The following IL1RAPL2 variants were observed in gnomAD, a reference collection of about 807,000 sequenced individuals.
IL1RAPL2 encodes X-linked interleukin-1 receptor accessory protein-like 2.
IL1RAPL2 carries 3 observed loss-of-function variants against 44.1 expected under a neutral mutation model. The ratio of observed to expected loss-of-function variants is 0.07; its 90% CI spans 0.03 to 0.18. The LOEUF (loss-of-function observed/expected upper bound fraction) is 0.18. IL1RAPL2 is among the 10% of genes least tolerant of loss of function. The probability of loss-of-function intolerance (pLI) is 1.00; values close to 1 mark genes in which losing one functional copy is unlikely to be tolerated. For missense variants in IL1RAPL2, 391 were observed against 496.4 expected (o/e 0.79, Z 2.02); for synonymous variants, 181 against 178.8 (o/e 1.01, Z -0.10).
In IL1RAPL2 at chrX:105,474,812, A is replaced by T. The variant is rs868020654; in HGVS notation, c.698-9501A>T. The stretch of plus-strand genomic sequence containing the variant: ...TTCTTTCCTTTTTATTTATTTATTT[A>T]TTTTTTTTGGTGATGCTTATATGGA... On this transcript the variant is annotated intron_variant, in intron 5 of 10. Coordinates refer to ENST00000372582, the MANE Select transcript of IL1RAPL2 (RefSeq NM_017416.2). Among the ~76,000 whole-genome samples the T allele has an allele frequency of 1.8e-4, 20 of 109,487 alleles. 1 individual carries two copies. Among genetic ancestry groups the T allele is most frequent in the Admixed American group, 3.0e-4 (3 of 10,136 alleles).
chrX:105,211,891 G>A (rs782579684), intron 3 of IL1RAPL2, among the ~76,000 whole-genome samples: 4 of 111,770 alleles, frequency 3.6e-5, no homozygotes, highest in Non-Finnish European at 7.5e-5. Context: ...GATCTCACTC[G>A]CCAAGCCAAG....
intron 1 of IL1RAPL2, among the ~76,000 whole-genome samples, chrX:104,621,235 A>C (rs1436987421): frequency 9.3e-6 from 1 of 107,163 alleles, no homozygotes; most frequent in East Asian, 2.9e-4. Context: ...TGTACATCTC[A>C]GCAGTTATAT....
intron 2 of IL1RAPL2, among the ~76,000 whole-genome samples, chrX:104,839,244 T>A (rs747469873): frequency 9.0e-6 from 1 of 111,628 alleles, no homozygotes; most frequent in Admixed American, 9.6e-5. Context: ...TTTTGAGATA[T>A]GTTCCATCAA....
chrX:105,207,141 G>C (rs577506965), intron 3 of IL1RAPL2, among the ~76,000 whole-genome samples: 1 of 110,822 alleles, frequency 9.0e-6, no homozygotes, highest in East Asian at 2.8e-4. Context: ...TAATAAAAGC[G>C]ATGTTTTTCA....
chrX:104,567,152 C>A (rs745972542), intron 1 of IL1RAPL2, 101 bp downstream of exon 1: 1 of 113,193 alleles, frequency 8.8e-6, no homozygotes, highest in South Asian at 3.6e-4. Flanking sequence ...CCAATGGAGG[C>A]TTTATCTTTC....
At chrX:105,637,076 A>T (rs887553418) in intron 6 of IL1RAPL2, among the ~76,000 whole-genome samples, 1 of 111,379 alleles carries the variant, frequency 9.0e-6, no homozygotes, top group African/African-American at 3.3e-5. Context: ...TTACAATCTG[A>T]ATAAATAGCC....
At chrX:105,487,765 A>G (rs1369062503) in intron 6 of IL1RAPL2, among the ~76,000 whole-genome samples, 1 of 112,075 alleles carries the variant, frequency 8.9e-6, no homozygotes, top group Non-Finnish European at 1.9e-5. Context: ...ATAAATGTCA[A>G]AGAGCTCCTC....
intron 5 of IL1RAPL2, among the ~76,000 whole-genome samples, chrX:105,300,199 A>G (rs1053321110): frequency 9.0e-6 from 1 of 111,592 alleles, no homozygotes; most frequent in Non-Finnish European, 1.9e-5. Context: ...TACCTGGGGG[A>G]AAAATACGTG....
chrX:105,262,567 T>C (rs1208379051), intron 4 of IL1RAPL2, among the ~76,000 whole-genome samples: 6 of 111,983 alleles, frequency 5.4e-5, no homozygotes, highest in African/African-American at 2.0e-4. Flanking sequence ...CCACCTGTTT[T>C]TTTTAAATAG....
At chrX:105,697,589 A>G (rs34434748) in intron 6 of IL1RAPL2, among the ~76,000 whole-genome samples, 2,168 of 110,832 alleles carry the variant, frequency 0.02, 22 homozygotes, top group Non-Finnish European at 0.03. Context: ...AAGAATATCA[A>G]GACAGGAAGA....
At chrX:104,630,445 C>T (rs1182899289) in intron 1 of IL1RAPL2, among the ~76,000 whole-genome samples, 2 of 109,464 alleles carry the variant, frequency 1.8e-5, no homozygotes, top group Admixed American at 9.8e-5. Context: ...CTGCGCCCGG[C>T]AGGCTGATTT....
intron 2 of IL1RAPL2, among the ~76,000 whole-genome samples, chrX:104,668,482 C>G (rs1397271486): frequency 1.3e-4 from 11 of 81,740 alleles, no homozygotes; most frequent in South Asian, 2.1e-3. Flanking sequence ...CCCCCTCCCC[C>G]CACCGCACAA....
chrX:104,639,568 C>T (rs968782263), intron 1 of IL1RAPL2, among the ~76,000 whole-genome samples: 4 of 110,202 alleles, frequency 3.6e-5, no homozygotes, highest in African/African-American at 1.3e-4. Flanking sequence ...CCATTTGCAT[C>T]CTTTCTTTTC....
chrX:104,998,613 A>C (rs1173133630), intron 2 of IL1RAPL2, among the ~76,000 whole-genome samples: 1 of 110,165 alleles, frequency 9.1e-6, no homozygotes, highest in Non-Finnish European at 1.9e-5. Context: ...GTATTTACAA[A>C]AAATAAAAAA....
intron 6 of IL1RAPL2, among the ~76,000 whole-genome samples, chrX:105,570,949 G>A (rs1388422678): frequency 9.0e-6 from 1 of 111,667 alleles, no homozygotes; most frequent in Non-Finnish European, 1.9e-5. Context: ...AGGAATTGGG[G>A]AGGGAGAATA....
intron 6 of IL1RAPL2, among the ~76,000 whole-genome samples, chrX:105,558,412 A>G (rs1602466956): frequency 9.0e-6 from 1 of 111,486 alleles, no homozygotes; most frequent in African/African-American, 3.3e-5. Context: ...TTCTTTTCCT[A>G]CTATCTTCAT....
At chrX:105,338,505 G>A (rs755054065) in intron 5 of IL1RAPL2, among the ~76,000 whole-genome samples, 2 of 111,688 alleles carry the variant, frequency 1.8e-5, no homozygotes, top group Admixed American at 1.9e-4. Context: ...CCTACTTCCT[G>A]CCTATCCCTC....
chrX:105,457,645 T>TTA (rs776563769), intron 5 of IL1RAPL2, among the ~76,000 whole-genome samples: 5 of 108,652 alleles, frequency 4.6e-5, no homozygotes, highest in African/African-American at 1.3e-4. Flanking sequence ...TATGTATGTT[T>TTA]TATATATATA....
intron 6 of IL1RAPL2, among the ~76,000 whole-genome samples, chrX:105,675,402 G>T (rs2037861788): frequency 9.0e-6 from 1 of 111,397 alleles, no homozygotes; most frequent in African/African-American, 3.3e-5. Flanking sequence ...GACCTTTTCT[G>T]CATCTATTGA....
Sources: allele counts gnomAD v4.1 joint callset (sites outside exome capture counted in the v4.1 genomes callset), GRCh38; gene constraint gnomAD v4.1.1; transcripts MANE v1.5; gene names NCBI Gene and HGNC (gene_info 2026-07-23, HGNC 2026-07-21).